ZNHIT6: variants seen among roughly 807,000 people sequenced by gnomAD.
ZNHIT6 encodes box C/D snoRNA protein 1.
Under a neutral mutation model 57.2 loss-of-function variants are expected in ZNHIT6, and 45 were observed. The ratio of observed to expected loss-of-function variants is 0.79; its 90% CI spans 0.62 to 1.01. The LOEUF is 1.01. ZNHIT6 is among the 50% of genes least tolerant of loss of function. The pLI, the probability that ZNHIT6 is intolerant of heterozygous loss-of-function variation, is 0.00. For missense variants in ZNHIT6, 528 were observed against 567.3 expected (o/e 0.93, Z 0.70); for synonymous variants, 188 against 190.0 (o/e 0.99, Z 0.09).
At chr1:85,667,961 A>AAAAAAAAAAAAAAAAGTAT in intron 8 of ZNHIT6, among the ~76,000 whole-genome samples, 1 of 18,200 alleles carries the variant, frequency 5.5e-5, no homozygotes, top group Non-Finnish European at 9.9e-5. Context: ...AAAAAAAAAA[A>AAAAAAAAAAAAAAAAGTAT]ATATATATAT....
chr1:85,684,703 T>C (rs955478355), intron 5 of ZNHIT6, among the ~76,000 whole-genome samples: 3 of 152,202 alleles, frequency 2.0e-5, no homozygotes, highest in Non-Finnish European at 4.4e-5. Flanking sequence ...CCGTGGCCCA[T>C]TTGTTTACAA....
rs1660901523 is a variant in ZNHIT6, at chr1:85,651,292, C to A, written c.*2766G>T. On this transcript the variant is annotated 3_prime_UTR_variant, in exon 10 of 10. Transcript: ENST00000370574. Reference sequence around the variant, plus strand: ...GTCACCCAGGCAGTGCCCAGGAATGCAGTGGAACAATCTCAGCTCACTGCA... The same window carrying A: ...GTCACCCAGGCAGTGCCCAGGAATGAAGTGGAACAATCTCAGCTCACTGCA... 7 of 151,868 alleles carry A rather than the reference C, an allele frequency of 4.6e-5. No homozygotes were observed. The highest frequency in any genetic ancestry group is 4.6e-4 in the Admixed American group (7 of 15,234). The allele number at this position is 151,868 out of a possible 1,614,324, so 9.4% of individuals were successfully genotyped here.
In ZNHIT6 at chr1:85,707,860, A is replaced by G; in HGVS notation, c.425T>C (p.Val142Ala). 1 of 1,613,292 alleles carries G rather than the reference A, an allele frequency of 6.2e-7. No individual in the cohort carries two copies. The highest frequency in any genetic ancestry group is 8.5e-7 in the Non-Finnish European group (1 of 1,179,838). ...VGEPEVKEEK[V>A]KEEVMDWSEV... ...TGACCAGTCCATTACCTCTTCCTTTACCTTCTCTTCCTTTACCTCTGGTTC... is the reference window on the plus strand; with the variant it reads ...TGACCAGTCCATTACCTCTTCCTTTGCCTTCTCTTCCTTTACCTCTGGTTC... The change falls in exon 1 of 10, where the codon GTA (valine) becomes GCA (alanine). Residue 142 changes from valine to alanine, a missense_variant. Physicochemically the swap from Val to Ala is moderately conservative, Grantham distance 64. Transcript: ENST00000370574.
chr1:85,667,281 A>C (rs1188605791), intron 8 of ZNHIT6, among the ~76,000 whole-genome samples: 5 of 152,184 alleles, frequency 3.3e-5, no homozygotes, highest in Admixed American at 2.6e-4. Context: ...TAAGGCACTC[A>C]ATAAAAGTAT....
At chr1:85,705,619 T>G (rs1662664358) in intron 4 of ZNHIT6, among the ~76,000 whole-genome samples, 1 of 152,232 alleles carries the variant, frequency 6.6e-6, no homozygotes, top group Admixed American at 6.5e-5. Flanking sequence ...CATCCTTGTT[T>G]CTGACTCAGG....
At chr1:85,704,800 C>T (rs1048858756) in intron 4 of ZNHIT6, among the ~76,000 whole-genome samples, 22 of 152,088 alleles carry the variant, frequency 1.4e-4, no homozygotes, top group Non-Finnish European at 2.9e-5. Context: ...AACTCCAATA[C>T]TAAAATGAAC....
intron 1 of ZNHIT6, 22 bp downstream of exon 1, chr1:85,707,607 A>C (rs762160064): frequency 6.5e-7 from 1 of 1,528,554 alleles, no homozygotes; most frequent in Non-Finnish European, 8.7e-7. Flanking sequence ...TATTCCCCTA[A>C]ATGGAATCCC....
At chr1:85,687,185 C>G (rs548442189) in intron 5 of ZNHIT6, among the ~76,000 whole-genome samples, 50 of 149,214 alleles carry the variant, frequency 3.4e-4, no homozygotes, top group African/African-American at 1.2e-3. Flanking sequence ...CAGGCTGCGG[C>G]AGAAGAATCA....
At chr1:85,688,383 A>G (rs1223042363) in intron 5 of ZNHIT6, among the ~76,000 whole-genome samples, 1 of 152,218 alleles carries the variant, frequency 6.6e-6, no homozygotes, top group African/African-American at 2.4e-5. Flanking sequence ...CTGCTATATT[A>G]TTACGAGCTT....
At chr1:85,671,456 T>TA (rs948600412) in intron 8 of ZNHIT6, among the ~76,000 whole-genome samples, 15 of 149,654 alleles carry the variant, frequency 1.0e-4, no homozygotes, top group Admixed American at 2.0e-4. Flanking sequence ...CCCTGTCTCT[T>TA]AAAAAAAAAA....
chr1:85,702,065 C>A, intron 5 of ZNHIT6, 92 bp downstream of exon 5: 1 of 762,304 alleles, frequency 1.3e-6, no homozygotes. Context: ...CAGAACCACA[C>A]TTGGGGTAGC....
At chr1:85,669,555 G>A (rs1034277817) in intron 8 of ZNHIT6, among the ~76,000 whole-genome samples, 2 of 152,116 alleles carry the variant, frequency 1.3e-5, no homozygotes, top group Admixed American at 1.3e-4. Flanking sequence ...CTCTGTGCAA[G>A]TACAACAGGA....
In ZNHIT6 at chr1:85,667,947, C is replaced by CAAAAAAAAAA. The variant is rs1156795211; in HGVS notation, c.1247+9279_1247+9288dup. 4.9e-3 allele frequency among the ~76,000 whole-genome samples: 45 copies of CAAAAAAAAAA among 9,248 alleles called. 8 individuals carry two copies. Among genetic ancestry groups the CAAAAAAAAAA allele is most frequent in the South Asian group, 9.0e-3 (2 of 222 alleles). The allele number at this position is 9,248 out of a possible 152,430, so 6.1% of individuals were successfully genotyped here. ...AGACTCATTCACTCACTCTCTCTTT[C>CAAAAAAAAAA]AAAAAAAAAAAAAAATATATATATA... On this transcript the variant is annotated intron_variant, in intron 8 of 9. Transcript: ENST00000370574.
chr1:85,668,702 A>C (rs1457143491), intron 8 of ZNHIT6, among the ~76,000 whole-genome samples: 1 of 152,192 alleles, frequency 6.6e-6, no homozygotes, highest in East Asian at 1.9e-4. Flanking sequence ...TCTAAAACAA[A>C]GTCATCTAAT....
chr1:85,708,034 T>A lies in ZNHIT6; in HGVS notation c.251A>T (p.Asp84Val). ...CAACCTGCCTTCTGTACCTGGCCAG[T>A]CTATAATTTCCTGCTTCACTACCGT... ...DLTVVKQEIIDWPGTEGRLAG... is the reference protein window; with the variant it reads ...DLTVVKQEIIVWPGTEGRLAG... The change falls in exon 1 of 10, where the codon GAC (aspartate) becomes GTC (valine). Residue 84 changes from aspartate (D) to valine (V), a missense_variant. Coordinates refer to ENST00000370574, the MANE Select transcript of ZNHIT6 (RefSeq NM_017953.4). 2 of 1,614,128 alleles carry A rather than the reference T, an allele frequency of 1.2e-6. No homozygotes were observed. The highest frequency in any genetic ancestry group is 1.7e-6 in the Non-Finnish European group (2 of 1,180,010).
intron 4 of ZNHIT6, among the ~76,000 whole-genome samples, chr1:85,704,263 T>C (rs1027569840): frequency 6.6e-6 from 1 of 152,172 alleles, no homozygotes; most frequent in African/African-American, 2.4e-5. Flanking sequence ...AGCAATTCTA[T>C]TCCCAGGTAT....
At chr1:85,691,279 G>A (rs1178967821) in intron 5 of ZNHIT6, among the ~76,000 whole-genome samples, 1 of 152,168 alleles carries the variant, frequency 6.6e-6, no homozygotes, top group Non-Finnish European at 1.5e-5. Context: ...TAACTATATT[G>A]TGATTCCTCC....
intron 6 of ZNHIT6, among the ~76,000 whole-genome samples, chr1:85,680,534 G>T (rs1337506199): frequency 2.6e-5 from 4 of 152,158 alleles, no homozygotes; most frequent in Non-Finnish European, 5.9e-5. Flanking sequence ...CTTAGAGTTA[G>T]TTCTATCACC....
chr1:85,652,309 A>G lies in ZNHIT6; in HGVS notation c.*1749T>C, dbSNP rs1011237509. On this transcript the variant is annotated 3_prime_UTR_variant, in exon 10 of 10. Coordinates refer to ENST00000370574, the MANE Select transcript of ZNHIT6 (RefSeq NM_017953.4). The stretch of plus-strand genomic sequence containing the variant: ...ACAACACGTTTCACTCAATTCATCT[A>G]TTTCTTGCTGGTTTCAAGAAGACAC... The G allele has an allele frequency of 1.3e-5, 2 of 152,126 alleles. No homozygotes were observed. Among genetic ancestry groups the G allele is most frequent in the African/African-American group, 4.8e-5 (2 of 41,438 alleles). The allele number at this position is 152,126 out of a possible 1,614,324, so 9.4% of individuals were successfully genotyped here.
Sources: allele counts gnomAD v4.1 joint callset (sites outside exome capture counted in the v4.1 genomes callset), GRCh38; gene constraint gnomAD v4.1.1; transcripts MANE v1.5; gene names NCBI Gene and HGNC (gene_info 2026-07-23, HGNC 2026-07-21).